Variants in DNAJC16 observed in about 807,000 individuals in gnomAD.
The protein encoded by DNAJC16 is DnaJ heat shock protein family (Hsp40) member C16.
In DNAJC16, 76 loss-of-function variants were observed where a neutral mutation model predicts 92.7. That is an observed-to-expected ratio of 0.82 (90% CI 0.68 to 0.99). The LOEUF is 0.99. Among genes scored for constraint, DNAJC16 ranks in the 50% least tolerant of loss-of-function variants. The pLI is 0.00. For missense variants in DNAJC16, 869 were observed against 942.4 expected, an observed-to-expected ratio of 0.92 and a Z score of 1.02; for synonymous variants, 328 against 358.7, an observed-to-expected ratio of 0.91 and a Z score of 0.97.
intron 6 of DNAJC16, among the ~76,000 whole-genome samples, chr1:15,547,974 A>G (rs569369053): frequency 2.6e-5 from 4 of 152,102 alleles, no homozygotes; most frequent in Non-Finnish European, 4.4e-5. Context: ...CATCTTACCT[A>G]ATTACGGTAC....
chr1:15,531,021 C>T (rs1710646694), intron 2 of DNAJC16, among the ~76,000 whole-genome samples: 1 of 152,186 alleles, frequency 6.6e-6, no homozygotes, highest in African/African-American at 2.4e-5. Context: ...AAGATGGAGG[C>T]TTAGAGTTGG....
intron 4 of DNAJC16, among the ~76,000 whole-genome samples, chr1:15,538,641 C>T (rs577574617): frequency 1.3e-5 from 2 of 152,106 alleles, no homozygotes; most frequent in African/African-American, 4.8e-5. Context: ...CACTTGAACC[C>T]TGGAGTTGGA....
At chr1:15,565,570 G>T (rs1341845435) in intron 11 of DNAJC16, 2 of 237,062 alleles carry the variant, frequency 8.4e-6, no homozygotes, top group African/African-American at 4.7e-5. Context: ...AAAAAAATCA[G>T]TAAAGTTGAG....
At chr1:15,545,850 C>T (rs1298113081) in intron 5 of DNAJC16, among the ~76,000 whole-genome samples, 1 of 152,026 alleles carries the variant, frequency 6.6e-6, no homozygotes, top group East Asian at 1.9e-4. Flanking sequence ...TTTTTAACGA[C>T]TAAGAAAAAT....
intron 4 of DNAJC16, among the ~76,000 whole-genome samples, chr1:15,539,193 T>C (rs747246459): frequency 6.6e-6 from 1 of 152,228 alleles, no homozygotes; most frequent in Non-Finnish European, 1.5e-5. Context: ...TCAATTTATA[T>C]AAACATCAAA....
intron 4 of DNAJC16, among the ~76,000 whole-genome samples, chr1:15,541,641 A>G (rs1311068430): frequency 6.6e-6 from 1 of 152,158 alleles, no homozygotes; most frequent in Non-Finnish European, 1.5e-5. Flanking sequence ...TTACTCAGCA[A>G]TTTCATTTTA....
At chr1:15,530,980 G>T (rs934148727) in intron 2 of DNAJC16, among the ~76,000 whole-genome samples, 1 of 152,226 alleles carries the variant, frequency 6.6e-6, no homozygotes, top group Admixed American at 6.5e-5. Flanking sequence ...GAGCTACCAT[G>T]CTCGGCCAGT....
intron 2 of DNAJC16, among the ~76,000 whole-genome samples, chr1:15,533,774 T>C (rs1324898089): frequency 2.6e-5 from 4 of 152,270 alleles, no homozygotes; most frequent in Non-Finnish European, 5.9e-5. Context: ...GAATTTAGTC[T>C]ATCCTAAAAG....
In DNAJC16 at chr1:15,546,887, G is replaced by A; in HGVS notation, c.864+16G>A. On this transcript the variant is annotated intron_variant, in intron 6 of 14. Transcript: ENST00000375847. Reference sequence around the variant, plus strand: ...GTTATACAAGGTACTTTCTATGCTAGGATAATGGTTTCTTTTTCTTTTCTT... The same window carrying A: ...GTTATACAAGGTACTTTCTATGCTAAGATAATGGTTTCTTTTTCTTTTCTT... 1 of 1,490,694 alleles carries A rather than the reference G, an allele frequency of 6.7e-7. No individual in the cohort carries two copies. The highest frequency in any genetic ancestry group is 9.1e-7 in the Non-Finnish European group (1 of 1,102,196). 92.3% of individuals were successfully genotyped at this position (1,490,694 alleles called of 1,614,324 possible).
Position 15,568,274 on chromosome 1 carries a change from T to C in DNAJC16, c.*97T>C. On this transcript the variant is annotated 3_prime_UTR_variant, in exon 15 of 15. Coordinates refer to ENST00000375847, the MANE Select transcript of DNAJC16 (RefSeq NM_015291.4). ...TCAAACTACCACAATGAACAGAGTA[T>C]AGATTTTAGATTGCTCTTCTAGAAC... 5 of 1,002,860 alleles carry C rather than the reference T, an allele frequency of 5.0e-6. No homozygotes were observed. The highest frequency in any genetic ancestry group is 2.4e-5 in the East Asian group (1 of 41,690). The allele number at this position is 1,002,860 out of a possible 1,614,324, so 62.1% of individuals were successfully genotyped here. A position where few individuals can be genotyped will look rare whatever the true frequency, so the allele number is the denominator to read the frequency against.
chr1:15,565,797 C>A, intron 11 of DNAJC16, 122 bp from the exon 12 acceptor site: 2 of 936,546 alleles, frequency 2.1e-6, no homozygotes, highest in African/African-American at 1.7e-5. Context: ...GCTCTGTTTG[C>A]CTGAAATTAG....
Position 15,534,220 on chromosome 1 carries a change from G to C in DNAJC16, c.168-17G>C, listed in dbSNP as rs746443949. 3 of 1,613,758 alleles carry C rather than the reference G, an allele frequency of 1.9e-6. No individual in the cohort carries two copies. Among genetic ancestry groups the C allele is most frequent in the East Asian group, 4.5e-5 (2 of 44,872 alleles). On this transcript the variant is annotated splice_polypyrimidine_tract_variant and intron_variant, in intron 2 of 14. Transcript: ENST00000375847. ...AAAGTTACATCCTTTCTCACCGCCTGCCTGTTTGTGTTTCAGGCATCCTGA... is the reference window on the plus strand; with the variant it reads ...AAAGTTACATCCTTTCTCACCGCCTCCCTGTTTGTGTTTCAGGCATCCTGA...
intron 11 of DNAJC16, chr1:15,565,315 T>C (rs1638783678): frequency 6.5e-6 from 1 of 154,742 alleles, no homozygotes; most frequent in Admixed American, 6.4e-5. Context: ...AATGAGTGAA[T>C]TAACCTCAAG....
intron 9 of DNAJC16, 32 bp downstream of exon 9, chr1:15,562,357 T>C (rs765574991): frequency 6.4e-7 from 1 of 1,568,600 alleles, no homozygotes; most frequent in Non-Finnish European, 8.7e-7. Context: ...CATCCCAGGC[T>C]CTTCATAACC....
rs181274961 is a variant in DNAJC16 at position 15,528,573 on chromosome 1, G to A, written c.-18-515G>A. 4.5e-4 allele frequency among the ~76,000 whole-genome samples: 69 copies of A among 152,262 alleles called. 4 individuals are homozygous for A. The highest frequency in any genetic ancestry group is 4.2e-3 in the East Asian group (22 of 5,188). ...ACACAGTTTTTTGAGAGTGTTTCAC[G>A]TCCATGTTTGTACTTATTTAATGCC... On this transcript the variant is annotated intron_variant, in intron 1 of 14. Coordinates refer to ENST00000375847, the MANE Select transcript of DNAJC16 (RefSeq NM_015291.4).
rs995229545 is a variant in DNAJC16, at chr1:15,571,183, C to T, written c.*3006C>T. ...GCCATGAGAATTTGGTTGTAGTTTT[C>T]AGGTAGGTTGGTTTCTTCCTCATTT... is the stretch of plus-strand genomic sequence containing the variant. On this transcript the variant is annotated 3_prime_UTR_variant, in exon 15 of 15. Transcript: ENST00000375847. 1 of 152,174 alleles carries T rather than the reference C, an allele frequency of 6.6e-6. No individual in the cohort carries two copies. Among genetic ancestry groups the T allele is most frequent in the Non-Finnish European group, 1.5e-5 (1 of 68,026 alleles). 9.4% of individuals were successfully genotyped at this position (152,174 alleles called of 1,614,324 possible).
At chr1:15,559,203 T>C (rs1361791910) in intron 7 of DNAJC16, among the ~76,000 whole-genome samples, 1 of 152,132 alleles carries the variant, frequency 6.6e-6, no homozygotes, top group Admixed American at 6.5e-5. Context: ...CTCCCAAAGT[T>C]CTAGGATTTC....
intron 13 of DNAJC16, chr1:15,566,460 T>A (rs1242337184): frequency 1.2e-5 from 5 of 411,696 alleles, no homozygotes; most frequent in Non-Finnish European, 2.2e-5. Context: ...CCTGTAAATG[T>A]CAATGAACGT....
chr1:15,530,613 A>G (rs1313705908), intron 2 of DNAJC16, among the ~76,000 whole-genome samples: 1 of 152,264 alleles, frequency 6.6e-6, no homozygotes, highest in Non-Finnish European at 1.5e-5. Flanking sequence ...CTGAGCACCT[A>G]CTACATGCTA....
Sources: gnomAD v4.1 joint callset for allele counts (sites outside exome capture counted in the v4.1 genomes callset) on GRCh38, gnomAD v4.1.1 for gene constraint, MANE v1.5 for transcripts, NCBI Gene and HGNC (gene_info 2026-07-23, HGNC 2026-07-21) for gene names.